The following NLRP4 variants were observed in gnomAD, a reference collection of about 807,000 sequenced individuals.
NLRP4 encodes NLR family pyrin domain containing 4, also known as NACHT, LRR and PYD domains-containing protein 4.
NLRP4 carries 44 observed loss-of-function variants against 84.7 expected under a neutral mutation model. The observed-to-expected ratio is 0.52, with a 90% CI of 0.41 to 0.67. The LOEUF (loss-of-function observed/expected upper bound fraction) is 0.67, where lower values mean the gene tolerates loss of function less well. Ranked by LOEUF, NLRP4 falls within the 30% of genes least tolerant of loss-of-function variation. The pLI, the probability that NLRP4 is intolerant of heterozygous loss-of-function variation, is 0.00. For missense variants in NLRP4, 1,260 were observed against 1,219.4 expected (o/e 1.03, Z -0.50); for synonymous variants, 544 against 476.4 (o/e 1.14, Z -1.85).
At position 55,847,871 on chromosome 19, in the gene NLRP4, C is replaced by T. The variant is rs149769581; in HGVS notation, c.-65-4145C>T. Reference sequence around the variant, plus strand: ...CTGAGACTACAGACACCTGCCACCACGCCCGGCTAATTTTTTAATATTTTT... The same window carrying T: ...CTGAGACTACAGACACCTGCCACCATGCCCGGCTAATTTTTTAATATTTTT... On this transcript the variant is annotated intron_variant, in intron 1 of 9. Coordinates refer to ENST00000301295, the MANE Select transcript of NLRP4 (RefSeq NM_134444.5). Among the ~76,000 whole-genome samples the T allele has an allele frequency of 9.2e-4, 140 of 152,118 alleles. 1 individual carries two copies. The highest frequency in any genetic ancestry group is 3.0e-3 in the African/African-American group (123 of 41,508).
At chr19:55,876,933 C>G (rs1985395012) in intron 7 of NLRP4, 63 bp from the exon 8 acceptor site, 2 of 1,408,408 alleles carry the variant, frequency 1.4e-6, no homozygotes, top group Admixed American at 1.9e-5. Flanking sequence ...TTTGGTGTCT[C>G]TTTTCCTGAT....
At chr19:55,855,771 A>G (rs1984386684) in intron 2 of NLRP4, among the ~76,000 whole-genome samples, 1 of 152,258 alleles carries the variant, frequency 6.6e-6, no homozygotes. Context: ...AGATAACTGT[A>G]AAGGAGTTTT....
chr19:55,855,216 G>A (rs1984363988), intron 2 of NLRP4, among the ~76,000 whole-genome samples: 1 of 152,110 alleles, frequency 6.6e-6, no homozygotes, highest in South Asian at 2.1e-4. Flanking sequence ...TCTCAAAAAA[G>A]TAATTTATAT....
rs534268496 is a variant in NLRP4, at chr19:55,837,973, T to C, written c.-66+1039T>C. 2.7e-5 allele frequency among the ~76,000 whole-genome samples: 4 copies of C among 146,128 alleles called. No individual in the cohort carries two copies. The East Asian group carries it at 8.2e-4, about 30-fold the overall frequency. ...ATTGCCTGAACCCAGGAGGTGGAGA[T>C]TGCAGTGTGCCGAGATTGCACCATT... is the stretch of plus-strand genomic sequence containing the variant. On this transcript the variant is annotated intron_variant, in intron 1 of 9. Coordinates refer to ENST00000301295, the MANE Select transcript of NLRP4 (RefSeq NM_134444.5).
rs1984592574 is a variant in NLRP4 at position 55,858,904 on chromosome 19, C to G, written c.1511C>G (p.Thr504Ser). 1.2e-6 allele frequency: 2 copies of G among 1,614,138 alleles called. No homozygotes were observed. Among genetic ancestry groups the G allele is most frequent in the African/African-American group, 1.3e-5 (1 of 75,040 alleles). ...AHWIFLGCFL[T>S]GLLNKKEQEK... ...TGGATTTTTTTGGGGTGTTTTCTAA[C>G]TGGCCTTTTAAATAAAAAGGAACAA... is the stretch of plus-strand genomic sequence containing the variant. The change falls in exon 3 of 10, where the codon ACT becomes AGT. Residue 504 changes from threonine (T) to serine (S), a missense_variant. This residue lies in a region of NLRP4 where 712 missense variants were observed against 669.2 expected (regional missense o/e 1.06). Coordinates refer to ENST00000301295, the MANE Select transcript of NLRP4 (RefSeq NM_134444.5). This position sits in a 1 kb window ranked among gnomAD's most constrained non-coding sequence, Gnocchi z 4.2.
chr19:55,879,159 C>A (rs1378989429), intron 9 of NLRP4, among the ~76,000 whole-genome samples, 195 bp downstream of exon 9: 1 of 152,162 alleles, frequency 6.6e-6, no homozygotes, highest in Non-Finnish European at 1.5e-5. Flanking sequence ...GAATGTCCAA[C>A]AAATGGAAAC....
At chr19:55,877,635 A>G (rs1179249554) in intron 8 of NLRP4, among the ~76,000 whole-genome samples, 1 of 152,150 alleles carries the variant, frequency 6.6e-6, no homozygotes, top group Non-Finnish European at 1.5e-5. Context: ...TGGAGGCTGA[A>G]AGTCTGAGAT....
At position 55,875,597 on chromosome 19, in the gene NLRP4, A is replaced by T. The variant is rs186645225; in HGVS notation, c.2526-1399A>T. On this transcript the variant is annotated intron_variant, in intron 7 of 9. Transcript: ENST00000301295. ...GTATCTAAAAAGTCAGTTTTCTGTAAGTTGAATTCATTTGCTTTCATGAAA... is the reference window on the plus strand; with the variant it reads ...GTATCTAAAAAGTCAGTTTTCTGTATGTTGAATTCATTTGCTTTCATGAAA... 7.0e-4 allele frequency among the ~76,000 whole-genome samples: 106 copies of T among 152,322 alleles called. 1 individual carries two copies. Among genetic ancestry groups the T allele is most frequent in the African/African-American group, 2.6e-3 (106 of 41,562 alleles).
intron 1 of NLRP4, among the ~76,000 whole-genome samples, chr19:55,840,279 C>T (rs184003834): frequency 4.6e-5 from 7 of 151,398 alleles, no homozygotes; most frequent in Non-Finnish European, 1.0e-4. Context: ...TAGGGACTTA[C>T]CTAATTCTCC....
intron 5 of NLRP4, among the ~76,000 whole-genome samples, chr19:55,866,732 G>A (rs971485467): frequency 2.6e-5 from 4 of 152,250 alleles, no homozygotes; most frequent in East Asian, 1.9e-4. Context: ...TCCACTTGGC[G>A]GGCACACATG....
In NLRP4 at chr19:55,861,366, T is replaced by C; in HGVS notation, c.1857-20T>C. ...TGTTGACCGCCTGCCTGTGGAAAGC[T>C]CGTCCTTTCTTGACCACAGGTCGGA... On this transcript the variant is annotated intron_variant, in intron 3 of 9. Transcript: ENST00000301295. 1 of 1,608,690 alleles carries C rather than the reference T, an allele frequency of 6.2e-7. No individual in the cohort carries two copies. The highest frequency in any genetic ancestry group is 8.5e-7 in the Non-Finnish European group (1 of 1,176,148).
Position 55,849,967 on chromosome 19 carries a change from T to G in NLRP4, c.-65-2049T>G, listed in dbSNP as rs111805365. 4.0e-3 allele frequency among the ~76,000 whole-genome samples: 565 copies of G among 142,800 alleles called. 10 individuals are homozygous for G. The highest frequency in any genetic ancestry group is 8.1e-3 in the African/African-American group (283 of 34,878). 93.7% of individuals were successfully genotyped at this position (142,800 alleles called of 152,430 possible). On this transcript the variant is annotated intron_variant, in intron 1 of 9. Transcript: ENST00000301295. ...GTAATTTCCGAGACTGCGGTGTAAT[T>G]TCCGTAGCTGCGGTGTAATTTCCGA...
In NLRP4 at chr19:55,861,723, T is replaced by C. The variant is rs545968961; in HGVS notation, c.2018+176T>C. On this transcript the variant is annotated intron_variant, in intron 4 of 9. Coordinates refer to ENST00000301295, the MANE Select transcript of NLRP4 (RefSeq NM_134444.5). ...TCATTCTTCATCATAGGGGTTGTTC[T>C]GTGCGTTGTAGGGTGTTAAGATGCA... 1.8e-3 allele frequency among the ~76,000 whole-genome samples: 275 copies of C among 152,322 alleles called. 1 individual carries two copies. The highest frequency in any genetic ancestry group is 6.2e-3 in the African/African-American group (258 of 41,586).
intron 8 of NLRP4, among the ~76,000 whole-genome samples, 174 bp from the exon 9 acceptor site, chr19:55,878,620 T>G (rs11883087): frequency 2.0e-5 from 3 of 152,126 alleles, no homozygotes; most frequent in African/African-American, 7.2e-5. Flanking sequence ...TGGACACTTA[T>G]GGCTACTTTT....
chr19:55,859,963 A>G (rs919919076), intron 3 of NLRP4, among the ~76,000 whole-genome samples: 1 of 144,524 alleles, frequency 6.9e-6, no homozygotes, highest in Non-Finnish European at 1.5e-5. Context: ...CAAAACACAA[A>G]TCATACAAAT....
chr19:55,878,258 A>C, intron 8 of NLRP4, among the ~76,000 whole-genome samples: 1 of 151,422 alleles, frequency 6.6e-6, no homozygotes, highest in African/African-American at 2.4e-5. Context: ...CAGAAACCCC[A>C]TCTCCACAAA....
intron 7 of NLRP4, among the ~76,000 whole-genome samples, chr19:55,873,769 A>G (rs946420546): frequency 2.0e-5 from 3 of 152,208 alleles, no homozygotes; most frequent in African/African-American, 7.2e-5. Context: ...TTTTTAAATT[A>G]TCTTCCTACT....
chr19:55,875,078 T>C (rs1985319217), intron 7 of NLRP4, among the ~76,000 whole-genome samples: 1 of 152,178 alleles, frequency 6.6e-6, no homozygotes, highest in Admixed American at 6.6e-5. Flanking sequence ...AAAAACTATT[T>C]GGGAACTTCC....
chr19:55,868,935 A>C (rs1985067022), intron 6 of NLRP4, among the ~76,000 whole-genome samples: 1 of 152,150 alleles, frequency 6.6e-6, no homozygotes, highest in Non-Finnish European at 1.5e-5. Flanking sequence ...ACCTCGAGCT[A>C]AAATAGAGGG....
Sources: gnomAD v4.1 joint callset for allele counts (sites outside exome capture counted in the v4.1 genomes callset) on GRCh38, gnomAD v4.1.1 for gene constraint, gnomAD v4.1.1 regional missense constraint, Gnocchi (gnomAD v3.1) non-coding constraint, MANE v1.5 for transcripts, NCBI Gene and HGNC (gene_info 2026-07-23, HGNC 2026-07-21) for gene names.